PPM1B: variants seen among roughly 807,000 people sequenced by gnomAD.
PPM1B encodes protein phosphatase 1B.
A neutral mutation model predicts 43.0 loss-of-function variants in PPM1B; 22 were observed. The ratio of observed to expected loss-of-function variants is 0.51; its 90% CI spans 0.37 to 0.73. PPM1B has a LOEUF of 0.73. Ranked by LOEUF, PPM1B falls within the 30% of genes least tolerant of loss-of-function variation. The probability of loss-of-function intolerance (pLI) is 0.00; values close to 1 mark genes in which losing one functional copy is unlikely to be tolerated. For missense variants in PPM1B, 632 were observed against 584.2 expected (o/e 1.08, Z -0.84); for synonymous variants, 217 against 197.9 (o/e 1.10, Z -0.81).
At chr2:44,180,735 C>T (rs904456790) in intron 1 of PPM1B, among the ~76,000 whole-genome samples, 1 of 151,782 alleles carries the variant, frequency 6.6e-6, no homozygotes, top group African/African-American at 2.4e-5. Flanking sequence ...CTCAGCTTCT[C>T]GAGGAGCTAG....
downstream of PPM1B, among the ~76,000 whole-genome samples, chr2:44,237,357 C>G (rs1221246405): frequency 6.6e-6 from 1 of 152,202 alleles, no homozygotes; most frequent in African/African-American, 2.4e-5. Context: ...TTTCAGGCAG[C>G]ATCACCGCCA....
At chr2:44,178,952 A>G (rs1667726213) in intron 1 of PPM1B, among the ~76,000 whole-genome samples, 1 of 152,116 alleles carries the variant, frequency 6.6e-6, no homozygotes, top group Non-Finnish European at 1.5e-5. Flanking sequence ...GATATTTTGC[A>G]TTCTTTTAAA....
At chr2:44,203,667 A>G (rs1669043368) in intron 2 of PPM1B, among the ~76,000 whole-genome samples, 1 of 152,120 alleles carries the variant, frequency 6.6e-6, no homozygotes. Context: ...TTGTTATTCT[A>G]CAGCCTGCCT....
downstream of PPM1B, chr2:44,244,412 C>G (rs978625149): frequency 4.0e-6 from 5 of 1,264,674 alleles, no homozygotes; most frequent in African/African-American, 3.1e-5. Context: ...AACCTTTAAT[C>G]TTATAACCCA....
chr2:44,225,152 TTCAG>T (rs1670155574), intron 5 of PPM1B, among the ~76,000 whole-genome samples: 1 of 152,232 alleles, frequency 6.6e-6, no homozygotes, highest in Non-Finnish European at 1.5e-5. Flanking sequence ...CCTGTGAGGA[TTCAG>T]TAAGATTATG....
intron 1 of PPM1B, among the ~76,000 whole-genome samples, chr2:44,184,751 G>C (rs1043206864): frequency 2.0e-5 from 3 of 151,908 alleles, no homozygotes; most frequent in Non-Finnish European, 2.9e-5. Context: ...CCCACATAGG[G>C]ATCTATCAGT....
chr2:44,195,641 C>T (rs889537163), intron 1 of PPM1B, among the ~76,000 whole-genome samples: 1 of 152,180 alleles, frequency 6.6e-6, no homozygotes, highest in Non-Finnish European at 1.5e-5. Flanking sequence ...TGTACCACTG[C>T]ACTCCAACAT....
intron 3 of PPM1B, among the ~76,000 whole-genome samples, chr2:44,210,432 G>T (rs1342673705): frequency 6.6e-6 from 1 of 151,832 alleles, no homozygotes; most frequent in Non-Finnish European, 1.5e-5. Flanking sequence ...GTTGCCCAGG[G>T]TGGTCTCAAA....
chr2:44,180,337 A>G (rs757314422), intron 1 of PPM1B, among the ~76,000 whole-genome samples: 2 of 152,208 alleles, frequency 1.3e-5, no homozygotes, highest in African/African-American at 4.8e-5. Flanking sequence ...GGGATACTCT[A>G]TGCCCATCAT....
chr2:44,218,522 T>G lies in PPM1B; in HGVS notation c.1119T>G (p.His373Gln). ...IEAVYSRLNP[H>Q]RESDGASDEA... ...CTGTTTATAGTAGACTGAATCCACA[T>G]AGAGAAAGTGATGGGGTAAGTTTTA... Residue 373 changes from histidine to glutamine, a missense_variant, in exon 5 of 6, where the codon CAT becomes CAG. His to Gln is a conservative substitution (Grantham distance 24). Coordinates refer to ENST00000282412, the MANE Select transcript of PPM1B (RefSeq NM_002706.6). The G allele has an allele frequency of 6.3e-7, 1 of 1,583,754 alleles. No individual in the cohort carries two copies. The highest frequency in any genetic ancestry group is 8.6e-7 in the Non-Finnish European group (1 of 1,168,422).
At chr2:44,174,759 T>C (rs1667502435) in intron 1 of PPM1B, among the ~76,000 whole-genome samples, 1 of 152,202 alleles carries the variant, frequency 6.6e-6, no homozygotes, top group African/African-American at 2.4e-5. Flanking sequence ...TTCTTGATTG[T>C]AGGTATCAAG....
Position 44,201,899 on chromosome 2 carries a change from G to A in PPM1B, c.700G>A (p.Glu234Lys). ...GGTTTATGAAATTTTAAGAGCAGAA[G>A]AGGATGAATTTATCATCTTGGCTTG... The part of the protein sequence containing the change: ...PEVYEILRAE[E>K]DEFIILACDG... The change falls in exon 2 of 6, where the codon GAG becomes AAG. Residue 234 changes from glutamate (E) to lysine (K), a missense_variant. By Grantham distance (56) the Glu-to-Lys change is moderately conservative. Transcript: ENST00000282412. This position sits in a 1 kb window ranked among gnomAD's most constrained non-coding sequence, Gnocchi z 5.4. 1 of 1,614,186 alleles carries A rather than the reference G, an allele frequency of 6.2e-7. No individual in the cohort carries two copies. Among genetic ancestry groups the A allele is most frequent in the Non-Finnish European group, 8.5e-7 (1 of 1,180,020 alleles).
intron 1 of PPM1B, among the ~76,000 whole-genome samples, chr2:44,182,699 C>T (rs769431130): frequency 5.9e-5 from 9 of 152,058 alleles, no homozygotes; most frequent in Non-Finnish European, 1.0e-4. Flanking sequence ...GTTTAGTAGG[C>T]ACTTTTTCCT....
chr2:44,236,027 A>G (rs1221816752), downstream of PPM1B, among the ~76,000 whole-genome samples: 1 of 152,110 alleles, frequency 6.6e-6, no homozygotes, highest in Non-Finnish European at 1.5e-5. Flanking sequence ...CCTGAGTAGA[A>G]TTTACCACCA....
chr2:44,243,898 G>A (rs1042217775), intron 5 of PPM1B, among the ~76,000 whole-genome samples: 3 of 152,132 alleles, frequency 2.0e-5, no homozygotes, highest in Admixed American at 2.0e-4. Context: ...TGATTGAATT[G>A]TTGTATGTGT....
chr2:44,215,047 A>G (rs1669658760), intron 3 of PPM1B, among the ~76,000 whole-genome samples: 1 of 152,210 alleles, frequency 6.6e-6, no homozygotes, highest in African/African-American at 2.4e-5. Flanking sequence ...CATAGTTAGT[A>G]ACTTTCTAAA....
rs1031034365 is a variant in PPM1B, at chr2:44,240,222, A to G, written n.1547-4006A>G. 8.2e-5 allele frequency among the ~76,000 whole-genome samples: 12 copies of G among 146,048 alleles called. 3 individuals are homozygous for G. ...TGCAACTAATAATCCACATTCTAAT[A>G]TAAAGAGCTTGCATCCATTTGGGGA... On this transcript the variant is annotated intron_variant and non_coding_transcript_variant, in intron 5 of 5. Coordinates refer to the PPM1B transcript ENST00000378540.
chr2:44,190,761 T>G (rs1297189814), intron 1 of PPM1B, among the ~76,000 whole-genome samples: 1 of 152,232 alleles, frequency 6.6e-6, no homozygotes, highest in African/African-American at 2.4e-5. Flanking sequence ...CTCCATAAAT[T>G]GAACAGCGCA....
chr2:44,171,352 G>T (rs1667334021), intron 1 of PPM1B, among the ~76,000 whole-genome samples: 1 of 152,172 alleles, frequency 6.6e-6, no homozygotes, highest in Non-Finnish European at 1.5e-5. Flanking sequence ...GTGCTTCTAA[G>T]AACAGCTGAT....
Sources: allele counts gnomAD v4.1 joint callset (sites outside exome capture counted in the v4.1 genomes callset), GRCh38; gene constraint gnomAD v4.1.1; non-coding constraint Gnocchi (gnomAD v3.1); transcripts MANE v1.5; gene names NCBI Gene and HGNC (gene_info 2026-07-23, HGNC 2026-07-21).